Variants in KLKB1 observed in about 807,000 individuals in gnomAD.
KLKB1 encodes the protein plasma kallikrein.
Under a neutral mutation model 73.6 loss-of-function variants are expected in KLKB1, and 58 were observed. The ratio of observed to expected loss-of-function variants is 0.79; its 90% CI spans 0.64 to 0.98. The LOEUF is 0.98. KLKB1 is among the 50% of genes least tolerant of loss of function. KLKB1 has a pLI of 0.00. For missense variants in KLKB1, 737 were observed against 763.8 expected (o/e 0.96, Z 0.41); for synonymous variants, 280 against 258.1 (o/e 1.08, Z -0.81).
intron 2 of KLKB1, 64 bp downstream of exon 2, chr4:186,228,317 C>T: frequency 9.9e-7 from 1 of 1,006,850 alleles, no homozygotes; most frequent in Non-Finnish European, 1.6e-6. Context: ...GCAAGTGGCA[C>T]CACCCCTGGA....
intron 2 of KLKB1, among the ~76,000 whole-genome samples, chr4:186,219,104 C>T (rs1736974369): frequency 1.3e-5 from 2 of 152,132 alleles, no homozygotes; most frequent in African/African-American, 4.8e-5. Flanking sequence ...CGTTCCTCTG[C>T]CTGCTTTTAT....
At chr4:186,223,389 C>T (rs1737071927), upstream of KLKB1, among the ~76,000 whole-genome samples, 1 of 152,178 alleles carries the variant, frequency 6.6e-6, no homozygotes, top group African/African-American at 2.4e-5. Flanking sequence ...TTCCTAGAGA[C>T]TTGTTGAATG....
intron 6 of KLKB1, among the ~76,000 whole-genome samples, chr4:186,242,673 C>G (rs971606256): frequency 2.0e-5 from 3 of 152,004 alleles, no homozygotes; most frequent in Non-Finnish European, 4.4e-5. Context: ...TTGGGAGGAC[C>G]CAGGACATCT....
chr4:186,239,643 G>A (rs867018765), intron 6 of KLKB1, among the ~76,000 whole-genome samples: 714 of 138,958 alleles, frequency 5.1e-3, no homozygotes, highest in African/African-American at 0.02. Flanking sequence ...AGAGTTATAG[G>A]TACAGTGATA....
rs145861841 is a variant in KLKB1, at chr4:186,243,125, C to G, written c.598+4760C>G. 5.9e-5 allele frequency among the ~76,000 whole-genome samples: 9 copies of G among 152,124 alleles called. No homozygotes were observed. The East Asian group carries it at 1.5e-3, about 26-fold the overall frequency. ...GTAAAGTCAATCTGCCAGTCCTGGG[C>G]GGGGGCAAATCCCCGAGCTTGATGT... is the stretch of plus-strand genomic sequence containing the variant. On this transcript the variant is annotated intron_variant, in intron 6 of 14. Coordinates refer to ENST00000264690, the MANE Select transcript of KLKB1 (RefSeq NM_000892.5).
chr4:186,240,767 T>C (rs559122064), intron 6 of KLKB1, among the ~76,000 whole-genome samples: 1 of 152,286 alleles, frequency 6.6e-6, no homozygotes, highest in Admixed American at 6.5e-5. Flanking sequence ...CAGGTTCACG[T>C]GTACTGGTGA....
intron 13 of KLKB1, among the ~76,000 whole-genome samples, chr4:186,256,841 C>CT (rs1223028106): frequency 6.6e-6 from 1 of 152,016 alleles, no homozygotes; most frequent in African/African-American, 2.4e-5. Context: ...AATGGGATTT[C>CT]TGGGGGGCTG....
Position 186,251,793 on chromosome 4 carries a change from G to A in KLKB1, c.1076G>A (p.Arg359Lys). The stretch of plus-strand genomic sequence containing the variant: ...TTATCTATGGATGGTTCTCCAACTA[G>A]GATTGCGTATGGGACACAAGGGAGC... ...LRLSMDGSPTRIAYGTQGSSG... is the reference protein window; with the variant it reads ...LRLSMDGSPTKIAYGTQGSSG... Residue 359 changes from arginine (R) to lysine (K), a missense_variant, in exon 10 of 15, where the codon AGG becomes AAG. Coordinates refer to ENST00000264690, the MANE Select transcript of KLKB1 (RefSeq NM_000892.5). The A allele has an allele frequency of 1.2e-6, 2 of 1,614,100 alleles. No individual in the cohort carries two copies. Among genetic ancestry groups the A allele is most frequent in the Non-Finnish European group, 1.7e-6 (2 of 1,179,978 alleles).
intron 6 of KLKB1, among the ~76,000 whole-genome samples, chr4:186,249,227 C>T (rs187819892): frequency 3.9e-4 from 60 of 152,204 alleles, no homozygotes; most frequent in African/African-American, 1.4e-3. Context: ...ACGCCAAAAC[C>T]TAATTCATGG....
rs1251889835 is a variant in KLKB1 at position 186,238,302 on chromosome 4, A to G, written c.535A>G (p.Ile179Val). 2 of 1,613,932 alleles carry G rather than the reference A, an allele frequency of 1.2e-6. No homozygotes were observed. The highest frequency in any genetic ancestry group is 1.3e-5 in the African/African-American group (1 of 74,910). ...KYSPGGTPTA[I>V]KVLSNVESGF... ...CAGTCCCGGAGGAACACCTACCGCT[A>G]TAAAGGTGCTGAGTAACGTGGAATC... The change falls in exon 6 of 15, where the codon ATA becomes GTA. Residue 179 changes from isoleucine (I) to valine (V), a missense_variant. Transcript: ENST00000264690.
chr4:186,253,786 A>G (rs1489381778), intron 11 of KLKB1, among the ~76,000 whole-genome samples: 4 of 151,938 alleles, frequency 2.6e-5, no homozygotes, highest in Non-Finnish European at 5.9e-5. Context: ...TAATCTATTT[A>G]CATTTTCATA....
intron 7 of KLKB1, 171 bp downstream of exon 7, chr4:186,250,573 A>T (rs1738617502): frequency 4.0e-6 from 3 of 746,796 alleles, no homozygotes; most frequent in Non-Finnish European, 7.0e-6. Flanking sequence ...CAGATTAGTT[A>T]AGAGATTAGC....
chr4:186,245,133 A>G (rs1483663908), intron 6 of KLKB1, among the ~76,000 whole-genome samples: 1 of 152,186 alleles, frequency 6.6e-6, no homozygotes, highest in Non-Finnish European at 1.5e-5. Flanking sequence ...AGTGCATAAA[A>G]GAATGTTGTC....
intron 6 of KLKB1, among the ~76,000 whole-genome samples, chr4:186,240,864 C>T (rs1218450754): frequency 1.3e-5 from 2 of 152,174 alleles, no homozygotes; most frequent in South Asian, 2.1e-4. Context: ...ATGCTCCATT[C>T]TGTACCCAGC....
intron 4 of KLKB1, among the ~76,000 whole-genome samples, chr4:186,235,075 T>C (rs1737588876): frequency 6.6e-6 from 1 of 152,228 alleles, no homozygotes; most frequent in Non-Finnish European, 1.5e-5. Flanking sequence ...TAACCAGTTA[T>C]CAAAGGATGG....
chr4:186,245,751 G>A (rs774724921), intron 6 of KLKB1, among the ~76,000 whole-genome samples: 11 of 149,992 alleles, frequency 7.3e-5, no homozygotes, highest in Non-Finnish European at 1.3e-4. Context: ...TTGAAGGCGA[G>A]GTTAATTAAG....
chr4:186,228,914 A>G (rs1481424767), intron 2 of KLKB1: 1 of 152,290 alleles, frequency 6.6e-6, no homozygotes, highest in Non-Finnish European at 1.5e-5. Flanking sequence ...TTCTGGGTCT[A>G]TGGTGACTTA....
chr4:186,212,416 G>A (rs577884418), intron 2 of KLKB1: 17 of 152,244 alleles, frequency 1.1e-4, no homozygotes, highest in African/African-American at 3.9e-4. Context: ...TAACTGACAC[G>A]TGTTCACTGA....
intron 2 of KLKB1, among the ~76,000 whole-genome samples, chr4:186,219,900 T>C (rs1736995767): frequency 6.6e-6 from 1 of 152,146 alleles, no homozygotes; most frequent in African/African-American, 2.4e-5. Flanking sequence ...TTACCTCCAC[T>C]GTGGAGTAAT....
Sources: gnomAD v4.1 joint callset for allele counts (sites outside exome capture counted in the v4.1 genomes callset) on GRCh38, gnomAD v4.1.1 for gene constraint, MANE v1.5 for transcripts, NCBI Gene and HGNC (gene_info 2026-07-23, HGNC 2026-07-21) for gene names.